The following DST variants were observed in gnomAD, a reference collection of about 807,000 sequenced individuals.
DST encodes dystonin.
Under a neutral mutation model 875.2 loss-of-function variants are expected in DST, and 253 were observed. That is an observed-to-expected ratio of 0.29 (90% CI 0.26 to 0.32). The LOEUF (loss-of-function observed/expected upper bound fraction) is 0.32, where lower values mean the gene tolerates loss of function less well. Ranked by LOEUF, DST falls within the 10% of genes least tolerant of loss-of-function variation. The probability of loss-of-function intolerance (pLI) is 1.00; values close to 1 mark genes in which losing one functional copy is unlikely to be tolerated. For synonymous variants in DST, 3,124 were observed against 3,197.1 expected (o/e 0.98, Z 0.77); for missense variants, 8,287 against 9,111.6 (o/e 0.91, Z 3.68).
chr6:56,517,451 G>A, intron 70 of DST, 50 bp downstream of exon 70: 2 of 1,603,202 alleles, frequency 1.2e-6, no homozygotes, highest in Non-Finnish European at 8.5e-7. Flanking sequence ...TATAGAGTTG[G>A]AGCACACCAG....
At chr6:56,511,703 T>C (rs576548370) in intron 72 of DST, among the ~76,000 whole-genome samples, 1 of 152,046 alleles carries the variant, frequency 6.6e-6, no homozygotes, top group East Asian at 1.9e-4. Context: ...GACAAGAGCA[T>C]TAGCCTAGGG....
At position 56,604,624 on chromosome 6, in the gene DST, G is replaced by A. The variant is rs117093584; in HGVS notation, c.10004C>T (p.Pro3335Leu). The change falls in exon 40 of 104, where the codon CCA (proline) becomes CTA (leucine). Residue 3335 changes from proline (P) to leucine (L), a missense_variant. By Grantham distance (98) the Pro-to-Leu change is moderately conservative. This residue lies in a region of DST where 3,138 missense variants were observed against 3,116.6 expected (regional missense o/e 1.01). Transcript: ENST00000680361. ...QQLPKEQALS[P>L]RSQEKEVQIP... ...CTGAACCTCCTTTTCTTGGGATCTT[G>A]GAGACAAGGCTTGTTCTTTTGGTAG... The A allele has an allele frequency of 1.1e-3, 1,799 of 1,612,264 alleles. 23 individuals carry two copies. In the Admixed American group the frequency reaches 0.024, roughly 22 times the overall value.
chr6:56,555,865 G>A (rs772605986), intron 59 of DST, 25 bp from the exon 60 acceptor site: 43 of 1,451,756 alleles, frequency 3.0e-5, no homozygotes, highest in South Asian at 1.0e-4. Context: ...GTAAACAAAC[G>A]CAAATTATTA....
chr6:56,670,156 G>C (rs1342486815), intron 10 of DST, among the ~76,000 whole-genome samples: 1 of 151,894 alleles, frequency 6.6e-6, no homozygotes, highest in Non-Finnish European at 1.5e-5. Flanking sequence ...GTGTGTGTGT[G>C]TGTGTGTGTG....
At chr6:56,693,139 A>C (rs2099243273) in intron 9 of DST, 1 of 1,282,814 alleles carries the variant, frequency 7.8e-7, no homozygotes, top group Non-Finnish European at 1.0e-6. Flanking sequence ...ACATCCACAG[A>C]CATTCCCCAT....
intron 82 of DST, among the ~76,000 whole-genome samples, chr6:56,496,099 T>A (rs2095891950): frequency 6.6e-6 from 1 of 152,210 alleles, no homozygotes; most frequent in South Asian, 2.1e-4. Context: ...TTGAATATTT[T>A]AAAAAATTTC....
chr6:56,737,226 T>C (rs1304227828), intron 4 of DST, among the ~76,000 whole-genome samples: 1 of 152,034 alleles, frequency 6.6e-6, no homozygotes. Context: ...AAAAATGTAA[T>C]GCACACAGGT....
chr6:56,632,816 C>A (rs1563326650), intron 28 of DST, 38 bp downstream of exon 28: 1 of 1,579,400 alleles, frequency 6.3e-7, no homozygotes, highest in Non-Finnish European at 8.7e-7. Context: ...GAACTAAACA[C>A]CTATGGGGAA....
At chr6:56,724,355 T>A (rs937992226) in intron 5 of DST, among the ~76,000 whole-genome samples, 13 of 152,348 alleles carry the variant, frequency 8.5e-5, no homozygotes, top group Non-Finnish European at 1.0e-4. Context: ...AAATCTAAGA[T>A]AAGAAATGTT....
intron 2 of DST, among the ~76,000 whole-genome samples, chr6:56,913,970 C>G (rs1212454049): frequency 1.3e-5 from 2 of 152,136 alleles, no homozygotes; most frequent in Non-Finnish European, 2.9e-5. Context: ...TTATCCTTCC[C>G]ATCTCCAGCT....
chr6:56,748,419 C>T (rs2099578536), intron 4 of DST, among the ~76,000 whole-genome samples: 1 of 152,166 alleles, frequency 6.6e-6, no homozygotes, highest in African/African-American at 2.4e-5. Flanking sequence ...TTCTGTGCAA[C>T]TCAAGTTTTC....
intron 4 of DST, among the ~76,000 whole-genome samples, chr6:56,826,331 G>A (rs1186594722): frequency 6.6e-6 from 1 of 152,120 alleles, no homozygotes; most frequent in East Asian, 1.9e-4. Context: ...GAATCACATG[G>A]AAGAAGCTTT....
intron 9 of DST, among the ~76,000 whole-genome samples, chr6:56,686,153 C>T (rs1445983628): frequency 6.6e-6 from 1 of 152,178 alleles, no homozygotes; most frequent in Non-Finnish European, 1.5e-5. Context: ...TTTGCAAAAA[C>T]ACGGATGCAG....
chr6:56,866,428 G>A (rs1171034892), intron 3 of DST, among the ~76,000 whole-genome samples: 3 of 152,200 alleles, frequency 2.0e-5, no homozygotes, highest in South Asian at 2.1e-4. Context: ...GCTAGATCCA[G>A]TCTTCAAAGA....
chr6:56,802,941 A>G (rs1046806091), intron 4 of DST, among the ~76,000 whole-genome samples: 1 of 152,240 alleles, frequency 6.6e-6, no homozygotes, highest in Non-Finnish European at 1.5e-5. Context: ...GGCCCAGAAC[A>G]CAGAAAGAAT....
chr6:56,779,346 T>C (rs1056639279), intron 4 of DST, among the ~76,000 whole-genome samples: 11 of 151,982 alleles, frequency 7.2e-5, no homozygotes, highest in Admixed American at 2.6e-4. Context: ...CCTGTTCACT[T>C]TGATGGTAGT....
At chr6:56,698,845 C>T (rs767670245) in intron 9 of DST, among the ~76,000 whole-genome samples, 7 of 152,062 alleles carry the variant, frequency 4.6e-5, no homozygotes, top group African/African-American at 7.2e-5. Context: ...GGTACAAGTG[C>T]GGATTTGTTA....
chr6:56,517,637 T>C lies in DST; in HGVS notation c.18130-17A>G. 1 of 1,609,300 alleles carries C rather than the reference T, an allele frequency of 6.2e-7. No homozygotes were observed. The highest frequency in any genetic ancestry group is 2.2e-5 in the East Asian group (1 of 44,754). On this transcript the variant is annotated splice_polypyrimidine_tract_variant and intron_variant, in intron 69 of 103. Transcript: ENST00000680361. ...TTGGTCAAACTAAACAAAAGATAAA[T>C]AATTAGGTCAGCACGTTCCCGTTCC... is the stretch of plus-strand genomic sequence containing the variant.
rs2152521879 is a variant in DST at position 56,535,275 on chromosome 6, G to A, written c.16788C>T (p.Ala5596=). 6.3e-7 allele frequency: 1 copy of A among 1,578,444 alleles called. No homozygotes were observed. The highest frequency in any genetic ancestry group is 8.6e-7 in the Non-Finnish European group (1 of 1,169,426). Residue 5596 remains alanine, a synonymous_variant, in exon 63 of 104, where the codon GCC becomes GCT. Transcript: ENST00000680361. ...TLNKKVAQRA[A]QLQEALLHCG... ...AGTGCAGCAAGGCCTCCTGCAGCTGGGCTGCTCGCTGAGCCACCTGCAAAG... is the reference window on the plus strand; with the variant it reads ...AGTGCAGCAAGGCCTCCTGCAGCTGAGCTGCTCGCTGAGCCACCTGCAAAG...
Sources: gnomAD v4.1 joint callset for allele counts (sites outside exome capture counted in the v4.1 genomes callset) on GRCh38, gnomAD v4.1.1 for gene constraint, gnomAD v4.1.1 regional missense constraint, MANE v1.5 for transcripts, NCBI Gene and HGNC (gene_info 2026-07-23, HGNC 2026-07-21) for gene names.